DCC: variants seen among roughly 807,000 people sequenced by gnomAD.
DCC encodes netrin receptor DCC.
Under a neutral mutation model 172.5 loss-of-function variants are expected in DCC, and 58 were observed. The observed-to-expected ratio is 0.34, with a 90% CI of 0.27 to 0.42. The LOEUF (loss-of-function observed/expected upper bound fraction) is 0.42, where lower values mean the gene tolerates loss of function less well. DCC is among the 10% of genes least tolerant of loss of function. The probability of loss-of-function intolerance (pLI) is 1.00; values close to 1 mark genes in which losing one functional copy is unlikely to be tolerated. For missense variants in DCC, 1,740 were observed against 1,791.0 expected, an observed-to-expected ratio of 0.97 and a Z score of 0.51; for synonymous variants, 709 against 644.5, an observed-to-expected ratio of 1.10 and a Z score of -1.52.
chr18:53,001,349 A>G (rs912844422), intron 5 of DCC, among the ~76,000 whole-genome samples: 1 of 152,060 alleles, frequency 6.6e-6, no homozygotes, highest in Non-Finnish European at 1.5e-5. Flanking sequence ...TCAGTCCTCC[A>G]ATTACAAAAT....
intron 8 of DCC, among the ~76,000 whole-genome samples, chr18:53,165,859 A>C (rs2054911397): frequency 6.6e-6 from 1 of 152,216 alleles, no homozygotes; most frequent in Admixed American, 6.5e-5. Context: ...CACTTAGTTA[A>C]GAGCTTTAGT....
chr18:52,685,072 A>G (rs1417988796), intron 1 of DCC, among the ~76,000 whole-genome samples: 1 of 152,234 alleles, frequency 6.6e-6, no homozygotes, highest in Non-Finnish European at 1.5e-5. Flanking sequence ...TACTTATTCA[A>G]ATTAGTTCAA....
intron 25 of DCC, among the ~76,000 whole-genome samples, chr18:53,468,776 A>T (rs566980618): frequency 6.6e-6 from 1 of 152,242 alleles, no homozygotes; most frequent in East Asian, 1.9e-4. Flanking sequence ...ACACCCACTT[A>T]CTACACACCC....
At chr18:52,589,984 T>C (rs2033761342) in intron 1 of DCC, among the ~76,000 whole-genome samples, 1 of 152,188 alleles carries the variant, frequency 6.6e-6, no homozygotes, top group Non-Finnish European at 1.5e-5. Flanking sequence ...CATTTCATGG[T>C]AAAAATCTAT....
chr18:53,423,787 A>G (rs1440767737), intron 21 of DCC, among the ~76,000 whole-genome samples: 4 of 152,128 alleles, frequency 2.6e-5, no homozygotes, highest in Non-Finnish European at 5.9e-5. Flanking sequence ...GATTCTTCAC[A>G]TTGTCATCCC....
At chr18:53,117,740 CTG>C (rs2043428004) in intron 7 of DCC, among the ~76,000 whole-genome samples, 1 of 151,710 alleles carries the variant, frequency 6.6e-6, no homozygotes, top group South Asian at 2.1e-4. Context: ...CACGTGATCT[CTG>C]TTGCACCTCC....
At chr18:53,445,688 A>G (rs1211262585) in intron 22 of DCC, among the ~76,000 whole-genome samples, 4 of 152,190 alleles carry the variant, frequency 2.6e-5, no homozygotes, top group Admixed American at 2.6e-4. Context: ...CCAATTTTTT[A>G]ATATTTAATA....
intron 14 of DCC, among the ~76,000 whole-genome samples, chr18:53,325,383 A>G (rs1380048178): frequency 6.6e-6 from 1 of 152,072 alleles, no homozygotes; most frequent in Non-Finnish European, 1.5e-5. Flanking sequence ...CTCTTACTGG[A>G]AGGAGAGAAA....
intron 1 of DCC, among the ~76,000 whole-genome samples, chr18:52,656,550 T>C (rs1276874151): frequency 6.6e-6 from 1 of 152,142 alleles, no homozygotes; most frequent in African/African-American, 2.4e-5. Context: ...TCTACTTACA[T>C]GTTGCCCATC....
intron 1 of DCC, among the ~76,000 whole-genome samples, chr18:52,466,932 T>G (rs1988801045): frequency 6.6e-6 from 1 of 152,152 alleles, no homozygotes; most frequent in Non-Finnish European, 1.5e-5. Flanking sequence ...TGCCCAAGCT[T>G]ACACAGGTTG....
intron 5 of DCC, among the ~76,000 whole-genome samples, chr18:52,945,320 AT>A (rs1329130567): frequency 2.0e-5 from 3 of 152,160 alleles, no homozygotes; most frequent in Non-Finnish European, 4.4e-5. Flanking sequence ...TTCTAAACAC[AT>A]TTTTCTACAC....
At chr18:52,643,285 C>T (rs549898565) in intron 1 of DCC, among the ~76,000 whole-genome samples, 1 of 152,250 alleles carries the variant, frequency 6.6e-6, no homozygotes, top group East Asian at 1.9e-4. Context: ...ACCTAGTTTC[C>T]ACAGGTGTAC....
intron 12 of DCC, among the ~76,000 whole-genome samples, chr18:53,259,822 A>G (rs2056571739): frequency 6.6e-6 from 1 of 152,136 alleles, no homozygotes; most frequent in Non-Finnish European, 1.5e-5. Flanking sequence ...ACTTGGTTCC[A>G]TTCTCCCTGT....
At chr18:52,846,026 G>GT (rs1414399178) in intron 2 of DCC, among the ~76,000 whole-genome samples, 1 of 152,156 alleles carries the variant, frequency 6.6e-6, no homozygotes, top group African/African-American at 2.4e-5. Flanking sequence ...TGTTCTTCCA[G>GT]TTTTTTGTTT....
At chr18:52,589,830 C>T (rs987181167) in intron 1 of DCC, among the ~76,000 whole-genome samples, 2 of 152,122 alleles carry the variant, frequency 1.3e-5, no homozygotes, top group Non-Finnish European at 2.9e-5. Context: ...AATTATATTG[C>T]TGGTAGAGCC....
chr18:53,449,817 CTT>C (rs2045384988), intron 22 of DCC, among the ~76,000 whole-genome samples: 2 of 152,112 alleles, frequency 1.3e-5, no homozygotes, highest in Non-Finnish European at 2.9e-5. Context: ...TATTCATAAG[CTT>C]GGGCTGCCAT....
intron 12 of DCC, among the ~76,000 whole-genome samples, chr18:53,259,133 C>T: frequency 6.6e-6 from 1 of 152,082 alleles, no homozygotes. Context: ...TTCCTGAATA[C>T]AGCATACTGA....
In DCC at chr18:52,511,855, G is replaced by C. The variant is rs183448359; in HGVS notation, c.91+170977G>C. On this transcript the variant is annotated intron_variant, in intron 1 of 28. Coordinates refer to ENST00000442544, the MANE Select transcript of DCC (RefSeq NM_005215.4). ...TTTCATTTTCAGGACTGGCTTTCTC[G>C]TGCTAACATGCTGTCTTTCCCATTA... 1.4e-3 allele frequency among the ~76,000 whole-genome samples: 208 copies of C among 152,248 alleles called. 1 individual carries two copies. The highest frequency in any genetic ancestry group is 4.7e-3 in the African/African-American group (194 of 41,528).
chr18:52,709,245 C>G (rs1461027492), intron 1 of DCC, among the ~76,000 whole-genome samples: 1 of 152,020 alleles, frequency 6.6e-6, no homozygotes, highest in African/African-American at 2.4e-5. Context: ...TTGTATAATC[C>G]GTATTTGATA....
Sources: allele counts gnomAD v4.1 joint callset (sites outside exome capture counted in the v4.1 genomes callset), GRCh38; gene constraint gnomAD v4.1.1; transcripts MANE v1.5; gene names NCBI Gene and HGNC (gene_info 2026-07-23, HGNC 2026-07-21).